APAF1: variants seen among roughly 807,000 people sequenced by gnomAD.
The protein encoded by APAF1 is apoptotic peptidase activating factor 1, also known as apoptotic protease-activating factor 1.
APAF1 carries 91 observed loss-of-function variants against 152.4 expected under a neutral mutation model. The ratio of observed to expected loss-of-function variants is 0.60; its 90% confidence interval spans 0.50 to 0.71. The LOEUF (loss-of-function observed/expected upper bound fraction) is 0.71. Among genes scored for constraint, APAF1 ranks in the 30% least tolerant of loss-of-function variants. The pLI is 0.00. For synonymous variants in APAF1, 484 were observed against 494.1 expected, an observed-to-expected ratio of 0.98 and a Z score of 0.27; for missense variants, 1,283 against 1,472.0, an observed-to-expected ratio of 0.87 and a Z score of 2.10.
chr12:98,729,510 G>A (rs1015459009), intron 26 of APAF1, among the ~76,000 whole-genome samples: 6 of 152,290 alleles, frequency 3.9e-5, no homozygotes, highest in East Asian at 1.9e-4. Context: ...CTCACCAGCC[G>A]CTCACCTTCT....
At chr12:98,687,692 T>G (rs2097699440) in intron 16 of APAF1, among the ~76,000 whole-genome samples, 1 of 152,130 alleles carries the variant, frequency 6.6e-6, no homozygotes, top group African/African-American at 2.4e-5. Context: ...ACCTAATCAC[T>G]TTTGAAGGTC....
intron 7 of APAF1, among the ~76,000 whole-genome samples, chr12:98,664,245 C>G (rs1324686106): frequency 6.6e-6 from 1 of 151,030 alleles, no homozygotes; most frequent in Non-Finnish European, 1.5e-5. Context: ...TCTTGAACTC[C>G]TGACCTCGTG....
At chr12:98,705,743 T>A (rs2097720701) in intron 18 of APAF1, among the ~76,000 whole-genome samples, 1 of 152,238 alleles carries the variant, frequency 6.6e-6, no homozygotes, top group African/African-American at 2.4e-5. Context: ...ATTATTGTGT[T>A]AATTTATTGT....
chr12:98,717,567 G>A (rs1333857910), intron 22 of APAF1, among the ~76,000 whole-genome samples: 1 of 151,736 alleles, frequency 6.6e-6, no homozygotes, highest in Non-Finnish European at 1.5e-5. Context: ...GTAGAGATGG[G>A]GTTTCTTCAT....
chr12:98,719,593 C>T (rs1175729291), intron 22 of APAF1, among the ~76,000 whole-genome samples: 1 of 151,512 alleles, frequency 6.6e-6, no homozygotes, highest in East Asian at 1.9e-4. Flanking sequence ...ACCTTGTGAT[C>T]CTCCCGCCTC....
intron 16 of APAF1, among the ~76,000 whole-genome samples, chr12:98,695,239 G>A (rs1012508473): frequency 6.6e-6 from 1 of 152,086 alleles, no homozygotes; most frequent in Non-Finnish European, 1.5e-5. Flanking sequence ...TTTTAGTAGA[G>A]ACGGGATTTC....
intron 20 of APAF1, 111 bp downstream of exon 20, chr12:98,708,815 G>A: frequency 2.0e-6 from 2 of 1,021,484 alleles, no homozygotes; most frequent in East Asian, 2.6e-5. Flanking sequence ...TATCTAACAG[G>A]TGTCCAGCAG....
intron 22 of APAF1, among the ~76,000 whole-genome samples, chr12:98,722,100 G>C (rs1364750689): frequency 6.6e-6 from 1 of 152,104 alleles, no homozygotes; most frequent in Non-Finnish European, 1.5e-5. Context: ...TAGTCAGATG[G>C]ACTCATGAGC....
rs528090281 is a variant in APAF1, at chr12:98,664,003, GTTTA to G, written c.955+1217_955+1220del. 3.7e-3 allele frequency among the ~76,000 whole-genome samples: 559 copies of G among 149,368 alleles called. 1 individual carries two copies. Among genetic ancestry groups the G allele is most frequent in the Non-Finnish European group, 5.6e-3 (378 of 67,258 alleles). On this transcript the variant is annotated intron_variant, in intron 7 of 26. Transcript: ENST00000551964. ...ATCAAATAGACACACAGTTTTGTTTGTTTATTTATTTATTTATTTATTTTATTTA... is the reference window on the plus strand; with the variant it reads ...ATCAAATAGACACACAGTTTTGTTTGTTTATTTATTTATTTATTTTATTTA...
intron 12 of APAF1, among the ~76,000 whole-genome samples, chr12:98,675,194 G>A (rs578259044): frequency 6.6e-6 from 1 of 152,262 alleles, no homozygotes; most frequent in African/African-American, 2.4e-5. Context: ...AAAGGTTTAG[G>A]TTGGTATAAG....
rs772678360 is a variant in APAF1, at chr12:98,699,449, T to C, written c.2346T>C (p.Asn782=). 25 of 1,614,020 alleles carry C rather than the reference T, an allele frequency of 1.5e-5. No individual in the cohort carries two copies. In the South Asian group the frequency reaches 2.5e-4, roughly 16 times the overall value. ...CAGCAAATGAGAGGAAAAGCATTAA[T>C]GTGAAACAGTTCTTCCTAAATTTGG... is the stretch of plus-strand genomic sequence containing the variant. ...ATSANERKSI[N]VKQFFLNLED... is the part of the protein sequence containing the mutation. Residue 782 remains asparagine, a synonymous_variant, in exon 17 of 27, where the codon AAT becomes AAC. Transcript: ENST00000551964.
intron 16 of APAF1, among the ~76,000 whole-genome samples, chr12:98,690,994 G>A (rs1433801669): frequency 6.6e-6 from 1 of 152,096 alleles, no homozygotes; most frequent in Non-Finnish European, 1.5e-5. Flanking sequence ...GGATCATGAG[G>A]TCAGGAGTTC....
chr12:98,680,254 ATATTT>A lies in APAF1; in HGVS notation c.1921-18_1921-14del. ...GTAGTTAAGCAGTTTATTATAAAAA[ATATTT>A]TATTGTTACTTGTGCAGGTGTTCAA... On this transcript the variant is annotated intron_variant, in intron 13 of 26. Coordinates refer to ENST00000551964, the MANE Select transcript of APAF1 (RefSeq NM_181861.2). 1.3e-6 allele frequency: 2 copies of A among 1,553,040 alleles called. No homozygotes were observed.
chr12:98,662,374 A>G, intron 5 of APAF1, 82 bp from the exon 6 acceptor site: 19 of 1,065,420 alleles, frequency 1.8e-5, no homozygotes, highest in Non-Finnish European at 2.5e-5. Flanking sequence ...GGTAGATTTT[A>G]AAAGACACTG....
intron 20 of APAF1, 50 bp from the exon 21 acceptor site, chr12:98,712,268 CA>C: frequency 1.9e-6 from 2 of 1,048,050 alleles, no homozygotes; most frequent in Non-Finnish European, 1.5e-6. Flanking sequence ...TTCTGACGAA[CA>C]AAAACTGCTC....
At chr12:98,657,767 T>A (rs1157022417) in intron 4 of APAF1, among the ~76,000 whole-genome samples, 1 of 152,244 alleles carries the variant, frequency 6.6e-6, no homozygotes, top group Non-Finnish European at 1.5e-5. Context: ...TCTGCTTCAT[T>A]AGCTGTGTAA....
intron 20 of APAF1, 151 bp from the exon 21 acceptor site, chr12:98,712,168 C>G (rs2097728585): frequency 1.5e-6 from 1 of 670,370 alleles, no homozygotes; most frequent in Non-Finnish European, 2.7e-6. Context: ...AATGCAGCTG[C>G]TAAGACTAGG....
At position 98,666,256 on chromosome 12, in the gene APAF1, A is replaced by G; in HGVS notation, c.1261A>G (p.Lys421Glu). ...AGACATACTGCAGGAGTTTGTAAAT[A>G]AGTCTCTTTTATTCTGTGATCGGAA... ...VEDILQEFVN[K>E]SLLFCDRNGK... The change falls in exon 9 of 27, where the codon AAG becomes GAG. Residue 421 changes from lysine to glutamate, a missense_variant. By Grantham distance (56) the Lys-to-Glu change is moderately conservative. Coordinates refer to ENST00000551964, the MANE Select transcript of APAF1 (RefSeq NM_181861.2). 1 of 1,613,922 alleles carries G rather than the reference A, an allele frequency of 6.2e-7. No homozygotes were observed. Among genetic ancestry groups the G allele is most frequent in the South Asian group, 1.1e-5 (1 of 91,062 alleles).
intron 12 of APAF1, among the ~76,000 whole-genome samples, chr12:98,676,794 G>A (rs909641191): frequency 2.0e-5 from 3 of 151,924 alleles, no homozygotes; most frequent in East Asian, 1.9e-4. Flanking sequence ...TTACAGGCAC[G>A]TGCCACCACA....
Sources: allele counts gnomAD v4.1 joint callset (sites outside exome capture counted in the v4.1 genomes callset), GRCh38; gene constraint gnomAD v4.1.1; transcripts MANE v1.5; gene names NCBI Gene and HGNC (gene_info 2026-07-23, HGNC 2026-07-21).